GRAP2: variants seen among roughly 807,000 people sequenced by gnomAD.
GRAP2 encodes GRB2 related adaptor protein 2.
A neutral mutation model predicts 43.5 loss-of-function variants in GRAP2; 31 were observed. That is an observed-to-expected ratio of 0.71 (90% CI 0.54 to 0.96). GRAP2 has a LOEUF of 0.96. Among genes scored for constraint, GRAP2 ranks in the 40% least tolerant of loss-of-function variants. GRAP2 has a pLI of 0.00. For synonymous variants in GRAP2, 156 were observed against 164.8 expected (o/e 0.95, Z 0.41); for missense variants, 371 against 424.4 (o/e 0.87, Z 1.11).
chr22:39,898,571 G>A (rs912643916), upstream of GRAP2, among the ~76,000 whole-genome samples: 2 of 152,174 alleles, frequency 1.3e-5, no homozygotes, highest in Admixed American at 6.5e-5. Context: ...CCAGCACTTT[G>A]GGGGGCCAAG....
At chr22:39,917,589 T>C (rs900630570) in intron 1 of GRAP2, among the ~76,000 whole-genome samples, 1 of 152,248 alleles carries the variant, frequency 6.6e-6, no homozygotes, top group Non-Finnish European at 1.5e-5. Flanking sequence ...ATTGAACTGT[T>C]GACCTTCTGG....
intron 1 of GRAP2, among the ~76,000 whole-genome samples, chr22:39,929,424 C>T (rs2066735354): frequency 1.3e-5 from 2 of 152,154 alleles, no homozygotes; most frequent in South Asian, 4.1e-4. Flanking sequence ...GCTAGCATTC[C>T]CTTTTCTGTG....
chr22:39,912,647 T>C lies in GRAP2; in HGVS notation c.-15+11317T>C, dbSNP rs113238605. On this transcript the variant is annotated intron_variant, in intron 1 of 7. Transcript: ENST00000344138. ...GCCCCAAATGTCAATAGTGACAAGG[T>C]TGGAAAACACCAGTATATGATTTAT... Among the ~76,000 whole-genome samples the C allele has an allele frequency of 6.6e-4, 101 of 152,242 alleles. 1 individual carries two copies. The highest frequency in any genetic ancestry group is 2.4e-3 in the African/African-American group (98 of 41,538).
intron 2 of GRAP2, 137 bp downstream of exon 2, chr22:39,947,321 C>T: frequency 1.5e-6 from 1 of 671,812 alleles, no homozygotes; most frequent in Non-Finnish European, 2.8e-6. Context: ...CCTTTGTGCA[C>T]CCTTATACCA....
chr22:39,903,420 T>C (rs955058858), intron 1 of GRAP2, among the ~76,000 whole-genome samples: 2 of 150,210 alleles, frequency 1.3e-5, no homozygotes, highest in Admixed American at 1.3e-4. Flanking sequence ...GAGGCCGAGG[T>C]GGGCAGATCT....
At chr22:39,897,078 T>G (rs1035347928), upstream of GRAP2, among the ~76,000 whole-genome samples, 2 of 152,212 alleles carry the variant, frequency 1.3e-5, no homozygotes, top group African/African-American at 4.8e-5. Context: ...CGGTAAATAC[T>G]CTTCGATTCT....
chr22:39,957,014 C>T (rs1319999593), intron 3 of GRAP2, among the ~76,000 whole-genome samples: 1 of 151,972 alleles, frequency 6.6e-6, no homozygotes, highest in African/African-American at 2.4e-5. Flanking sequence ...GAGAAGTCAG[C>T]GGGGGGAAGG....
chr22:39,963,047 CCT>C (rs2067135882), intron 4 of GRAP2, among the ~76,000 whole-genome samples: 1 of 152,166 alleles, frequency 6.6e-6, no homozygotes, highest in Admixed American at 6.5e-5. Flanking sequence ...GAAGTCTTCC[CCT>C]GATATTCAGG....
chr22:39,964,846 G>A (rs992737478), intron 4 of GRAP2: 9 of 306,666 alleles, frequency 2.9e-5, no homozygotes, highest in South Asian at 8.1e-5. Context: ...CTCTTTGGTC[G>A]TTGTTCTACC....
At position 39,969,590 on chromosome 22, in the gene GRAP2, A is replaced by G. The variant is rs547680196; in HGVS notation, c.813+57A>G. On this transcript the variant is annotated intron_variant, in intron 7 of 7. Transcript: ENST00000344138. ...GGGAAAGGCCTTGGGACAGAGGTCA[A>G]TGGAGGAGATGAGGCAGGAGAGACT... 1.8e-5 allele frequency: 29 copies of G among 1,579,734 alleles called. No homozygotes were observed. The East Asian group carries it at 4.5e-4, about 25-fold the overall frequency.
chr22:39,940,936 G>A (rs954334351), intron 1 of GRAP2, among the ~76,000 whole-genome samples: 6 of 152,198 alleles, frequency 3.9e-5, no homozygotes, highest in Non-Finnish European at 8.8e-5. Context: ...GAAAAGTTAC[G>A]AGATGGAATT....
chr22:39,933,856 AAAAG>A (rs1180669114), intron 1 of GRAP2, among the ~76,000 whole-genome samples: 3 of 151,346 alleles, frequency 2.0e-5, no homozygotes, highest in African/African-American at 7.3e-5. Flanking sequence ...AAAAAAAAAG[AAAAG>A]AAAGAAAGTT....
intron 4 of GRAP2, chr22:39,964,761 G>C (rs552726973): frequency 1.3e-5 from 6 of 455,310 alleles, no homozygotes; most frequent in East Asian, 1.1e-4. Context: ...CATCTCTTTA[G>C]TTGTTTTCAC....
intron 4 of GRAP2, among the ~76,000 whole-genome samples, chr22:39,963,674 G>T (rs1409834402): frequency 6.6e-6 from 1 of 152,102 alleles, no homozygotes; most frequent in African/African-American, 2.4e-5. Context: ...TGAGATTGAG[G>T]GTCAGAATTT....
intron 2 of GRAP2, among the ~76,000 whole-genome samples, chr22:39,952,055 C>T (rs1287874198): frequency 7.2e-6 from 1 of 139,712 alleles, no homozygotes; most frequent in Admixed American, 7.6e-5. Flanking sequence ...GAGACAGAGT[C>T]TTGCTCTGTT....
At chr22:39,946,690 A>T (rs2066925656) in intron 1 of GRAP2, 1 of 162,162 alleles carries the variant, frequency 6.2e-6, no homozygotes, top group Non-Finnish European at 1.3e-5. Flanking sequence ...CTGCCAAGGG[A>T]CAGCCTTGGG....
At chr22:39,933,077 G>C (rs191983531) in intron 1 of GRAP2, among the ~76,000 whole-genome samples, 4 of 152,232 alleles carry the variant, frequency 2.6e-5, no homozygotes, top group Non-Finnish European at 5.9e-5. Flanking sequence ...CATGGGGTAT[G>C]AGGGGGGCAG....
intron 1 of GRAP2, among the ~76,000 whole-genome samples, chr22:39,904,026 A>G (rs1033710387): frequency 1.3e-5 from 2 of 152,234 alleles, no homozygotes; most frequent in East Asian, 3.8e-4. Context: ...AAAAGAAACT[A>G]TCACGAAGTG....
chr22:39,939,477 G>A (rs1012436750), intron 1 of GRAP2, among the ~76,000 whole-genome samples: 3 of 145,202 alleles, frequency 2.1e-5, no homozygotes, highest in African/African-American at 7.8e-5. Flanking sequence ...CAGGAGAATA[G>A]CATGAACCCG....
Sources: gnomAD v4.1 joint callset for allele counts (sites outside exome capture counted in the v4.1 genomes callset) on GRCh38, gnomAD v4.1.1 for gene constraint, MANE v1.5 for transcripts, NCBI Gene and HGNC (gene_info 2026-07-23, HGNC 2026-07-21) for gene names.